The following DNAH5 variants were observed in gnomAD, a reference collection of about 807,000 sequenced individuals.
DNAH5 encodes axonemal beta dynein heavy chain 5.
In DNAH5, 372 loss-of-function variants were observed where a neutral mutation model predicts 518.2. The ratio of observed to expected loss-of-function variants is 0.72; its 90% CI spans 0.66 to 0.78. The LOEUF is 0.78. Ranked by LOEUF, DNAH5 falls within the 30% of genes least tolerant of loss-of-function variation. The pLI is 0.00. For synonymous variants in DNAH5, 2,039 were observed against 2,025.9 expected (o/e 1.01, Z -0.17); for missense variants, 5,523 against 5,687.0 (o/e 0.97, Z 0.93).
At chr5:13,765,919 C>T in intron 59 of DNAH5, 57 bp downstream of exon 59, 4 of 1,509,260 alleles carry the variant, frequency 2.7e-6, no homozygotes, top group South Asian at 1.1e-5. Flanking sequence ...ACGAAAAGGA[C>T]TCATACACCA....
intron 1 of DNAH5, among the ~76,000 whole-genome samples, chr5:13,932,647 G>C (rs1778533006): frequency 6.6e-6 from 1 of 152,228 alleles, no homozygotes; most frequent in African/African-American, 2.4e-5. Context: ...TTCATATCAA[G>C]AGAGATAGGT....
chr5:13,967,583 A>ATAG (rs530492368), intron 1 of DNAH5, among the ~76,000 whole-genome samples: 51 of 152,152 alleles, frequency 3.4e-4, no homozygotes, highest in South Asian at 4.1e-4. Context: ...CTATAGCCTT[A>ATAG]TAGTATAGTT....
rs556885616 is a variant in DNAH5, at chr5:13,920,989, T to TG, written c.661-373_661-372insC. On this transcript the variant is annotated intron_variant, in intron 5 of 78. Transcript: ENST00000265104. ...GATAGAATGCCAGCAATTTTATTTTTTTAGTAGTAAAAATGTTTGCTTTAT... is the reference window on the plus strand; with the variant it reads ...GATAGAATGCCAGCAATTTTATTTTTGTTAGTAGTAAAAATGTTTGCTTTAT... 9.9e-5 allele frequency among the ~76,000 whole-genome samples: 15 copies of TG among 152,050 alleles called. No individual in the cohort carries two copies. In the East Asian group the frequency reaches 2.3e-3, roughly 24 times the overall value.
At chr5:13,769,689 T>A in intron 56 of DNAH5, 74 bp from the exon 57 acceptor site, 1 of 1,191,872 alleles carries the variant, frequency 8.4e-7, no homozygotes, top group Non-Finnish European at 1.3e-6. Context: ...ACTGGTCCAA[T>A]AATGAGTGGT....
At chr5:13,981,885 T>A (rs339423) in intron 1 of DNAH5, among the ~76,000 whole-genome samples, 54,289 of 152,104 alleles carry the variant, frequency 0.36, 9,818 homozygotes, top group East Asian at 0.61. Flanking sequence ...GAAGTCATCC[T>A]GATTTCCTTG....
intron 1 of DNAH5, among the ~76,000 whole-genome samples, chr5:13,957,937 G>A (rs559032036): frequency 1.7e-3 from 251 of 151,230 alleles, no homozygotes; most frequent in African/African-American, 5.7e-3. Context: ...TCTAGCTCCC[G>A]TTTTCTTAAA....
intron 1 of DNAH5, among the ~76,000 whole-genome samples, chr5:13,969,128 A>T (rs1781716566): frequency 6.6e-6 from 1 of 152,162 alleles, no homozygotes. Flanking sequence ...GTAGCCTTGA[A>T]TGATCTTTTG....
intron 1 of DNAH5, among the ~76,000 whole-genome samples, chr5:13,993,509 T>A (rs758984674): frequency 6.6e-6 from 1 of 152,212 alleles, no homozygotes; most frequent in African/African-American, 2.4e-5. Context: ...TCACAAAATA[T>A]AGATTACATA....
rs753702337 is a variant in DNAH5, at chr5:13,793,569, A to G, written c.8170T>C (p.Phe2724Leu). The change falls in exon 49 of 79, where the codon TTC becomes CTC. Residue 2724 changes from phenylalanine (F) to leucine (L), a missense_variant. Coordinates refer to ENST00000265104, the MANE Select transcript of DNAH5 (RefSeq NM_001369.3). Reference sequence around the variant, plus strand: ...GGCAACGTGCAATTAAATATAGAGAACTGCCTCTTGAGTCTTTGGGGTATG... The same window carrying G: ...GGCAACGTGCAATTAAATATAGAGAGCTGCCTCTTGAGTCTTTGGGGTATG... ...NDIPQRLKRQ[F>L]SIFNCTLPSE... The G allele has an allele frequency of 1.9e-6, 3 of 1,613,532 alleles. No individual in the cohort carries two copies. In the African/African-American group the frequency reaches 4.0e-5, roughly 22 times the overall value.
At chr5:13,790,655 C>G (rs930568322) in intron 50 of DNAH5, among the ~76,000 whole-genome samples, 4 of 152,194 alleles carry the variant, frequency 2.6e-5, no homozygotes, top group African/African-American at 9.7e-5. Flanking sequence ...CTCCACACTT[C>G]TCCTTCTTGC....
At chr5:13,785,661 C>A (rs1393797389) in intron 52 of DNAH5, among the ~76,000 whole-genome samples, 2 of 152,312 alleles carry the variant, frequency 1.3e-5, no homozygotes, top group South Asian at 2.1e-4. Context: ...CCATTTAACA[C>A]TAACTCCCCA....
chr5:13,959,798 T>C (rs1781034237), intron 1 of DNAH5, among the ~76,000 whole-genome samples: 1 of 152,064 alleles, frequency 6.6e-6, no homozygotes, highest in Admixed American at 6.5e-5. Flanking sequence ...TGAAACCCCG[T>C]CTCTACTAAA....
chr5:13,898,524 T>C (rs765924932), intron 15 of DNAH5: 120 of 398,582 alleles, frequency 3.0e-4, no homozygotes, highest in Non-Finnish European at 4.7e-4. Context: ...CATGAAGTGG[T>C]GGGAAGACGA....
At chr5:13,723,552 G>C (rs1745329426) in intron 70 of DNAH5, among the ~76,000 whole-genome samples, 2 of 152,214 alleles carry the variant, frequency 1.3e-5, no homozygotes, top group African/African-American at 4.8e-5. Context: ...TATGGGGCCA[G>C]ATGGTAAATA....
rs1760444621 is a variant in DNAH5 at position 13,810,296 on chromosome 5, T to G, written c.7408-36A>C. ...AAGACACTTTTTTTTAATAACTTGA[T>G]TCTGAAACCCAAACGTTGCTCTAGG... On this transcript the variant is annotated intron_variant, in intron 44 of 78. Transcript: ENST00000265104. 9.1e-6 allele frequency: 14 copies of G among 1,532,390 alleles called. 1 individual carries two copies. Among genetic ancestry groups the G allele is most frequent in the South Asian group, 6.0e-5 (5 of 83,652 alleles). 94.9% of individuals were successfully genotyped at this position (1,532,390 alleles called of 1,614,324 possible).
intron 1 of DNAH5, among the ~76,000 whole-genome samples, chr5:13,933,257 C>T (rs1778593292): frequency 6.6e-6 from 1 of 152,168 alleles, no homozygotes; most frequent in East Asian, 1.9e-4. Context: ...AATGTGGTAC[C>T]TGTTGGAGTT....
At chr5:13,881,583 T>C (rs1472216401) in intron 21 of DNAH5, among the ~76,000 whole-genome samples, 1 of 151,904 alleles carries the variant, frequency 6.6e-6, no homozygotes, top group Non-Finnish European at 1.5e-5. Context: ...ACTTCTCAAA[T>C]CAGGTCAAAG....
At chr5:13,938,883 G>T (rs954266153) in intron 1 of DNAH5, among the ~76,000 whole-genome samples, 8 of 152,158 alleles carry the variant, frequency 5.3e-5, no homozygotes, top group African/African-American at 1.9e-4. Context: ...TTCCCCAACT[G>T]TGGATGAATC....
chr5:13,886,305 A>G (rs557515002), intron 17 of DNAH5, among the ~76,000 whole-genome samples, 176 bp from the exon 18 acceptor site: 1 of 152,310 alleles, frequency 6.6e-6, no homozygotes, highest in South Asian at 2.1e-4. Flanking sequence ...CTCTAAAGGA[A>G]TGTGTTTAGG....
Sources: allele counts gnomAD v4.1 joint callset (sites outside exome capture counted in the v4.1 genomes callset), GRCh38; gene constraint gnomAD v4.1.1; transcripts MANE v1.5; gene names NCBI Gene and HGNC (gene_info 2026-07-23, HGNC 2026-07-21).